The following PAWR variants were observed in gnomAD, a reference collection of about 807,000 sequenced individuals.
PAWR encodes the protein pro-apoptotic WT1 regulator.
In PAWR, 23 loss-of-function variants were observed where a neutral mutation model predicts 32.0. The observed-to-expected ratio is 0.72, with a 90% CI of 0.52 to 1.02. The LOEUF (loss-of-function observed/expected upper bound fraction) is 1.02, where lower values mean the gene tolerates loss of function less well. Among genes scored for constraint, PAWR ranks in the 50% least tolerant of loss-of-function variants. The pLI is 0.00. For missense variants in PAWR, 457 were observed against 437.7 expected, an observed-to-expected ratio of 1.04 and a Z score of -0.39; for synonymous variants, 226 against 187.1, an observed-to-expected ratio of 1.21 and a Z score of -1.70.
chr12:79,652,777 A>C (rs1876908993), intron 2 of PAWR, among the ~76,000 whole-genome samples: 2 of 152,206 alleles, frequency 1.3e-5, no homozygotes, highest in African/African-American at 4.8e-5. Context: ...TAAGCAAAGA[A>C]TTGGATTTAG....
chr12:79,647,289 A>C (rs1479991888), intron 2 of PAWR, among the ~76,000 whole-genome samples: 1 of 152,206 alleles, frequency 6.6e-6, no homozygotes, highest in Non-Finnish European at 1.5e-5. Flanking sequence ...TAAACTTTAA[A>C]GTTAAACTAT....
intron 2 of PAWR, among the ~76,000 whole-genome samples, chr12:79,681,938 T>C (rs1878466514): frequency 6.6e-6 from 1 of 152,212 alleles, no homozygotes; most frequent in Non-Finnish European, 1.5e-5. Context: ...CTACTAAAAA[T>C]ATTCTGGAAA....
chr12:79,620,392 G>C (rs538316838), intron 3 of PAWR, among the ~76,000 whole-genome samples: 1 of 152,244 alleles, frequency 6.6e-6, no homozygotes, highest in African/African-American at 2.4e-5. Flanking sequence ...TCATAAAGAA[G>C]AGCTGCTTGG....
chr12:79,600,069 C>A (rs1373064787), intron 4 of PAWR, among the ~76,000 whole-genome samples: 1 of 152,156 alleles, frequency 6.6e-6, no homozygotes, highest in Non-Finnish European at 1.5e-5. Context: ...CTCCAAACAA[C>A]CCACTTTGGT....
At chr12:79,625,551 G>A (rs1177975441) in intron 2 of PAWR, among the ~76,000 whole-genome samples, 3 of 152,202 alleles carry the variant, frequency 2.0e-5, no homozygotes, top group African/African-American at 7.2e-5. Flanking sequence ...GCCGGGCGTG[G>A]TGGCTCACGC....
intron 2 of PAWR, among the ~76,000 whole-genome samples, chr12:79,660,827 A>T (rs1465570608): frequency 5.9e-5 from 9 of 151,452 alleles, no homozygotes; most frequent in African/African-American, 2.2e-4. Context: ...GAGCTGATCC[A>T]CCTGCCTCAG....
Position 79,613,571 on chromosome 12 carries a change from T to C in PAWR, c.683+4A>G. On this transcript the variant is annotated splice_donor_region_variant and intron_variant, in intron 4 of 6. Transcript: ENST00000328827. The stretch of plus-strand genomic sequence containing the variant: ...CAATATGTTTAAGTCATAAGGATTC[T>C]TACCTTTTATATCTGCCTGAAACTG... 1 of 1,509,028 alleles carries C rather than the reference T, an allele frequency of 6.6e-7. No individual in the cohort carries two copies. The highest frequency in any genetic ancestry group is 1.4e-5 in the African/African-American group (1 of 73,020). 93.5% of individuals were successfully genotyped at this position (1,509,028 alleles called of 1,614,324 possible). A position where few individuals can be genotyped will look rare whatever the true frequency, so the allele number is the denominator to read the frequency against.
intron 2 of PAWR, chr12:79,668,202 T>C (rs1877705012): frequency 6.6e-6 from 1 of 152,254 alleles, no homozygotes; most frequent in African/African-American, 2.4e-5. Flanking sequence ...AGTAAAAGTT[T>C]GTAGATATTT....
chr12:79,626,162 T>TAAAA (rs1566007978), intron 2 of PAWR, among the ~76,000 whole-genome samples: 1 of 41,858 alleles, frequency 2.4e-5, no homozygotes, highest in African/African-American at 1.5e-4. Flanking sequence ...AGACTCCATC[T>TAAAA]TAAAAAAAAA....
intron 2 of PAWR, among the ~76,000 whole-genome samples, chr12:79,623,744 A>T (rs1875144241): frequency 6.6e-6 from 1 of 152,194 alleles, no homozygotes; most frequent in African/African-American, 2.4e-5. Context: ...ATCATGAAGA[A>T]ATTTATTTGG....
chr12:79,670,356 CA>C (rs1877832003), intron 2 of PAWR, among the ~76,000 whole-genome samples: 1 of 151,872 alleles, frequency 6.6e-6, no homozygotes. Flanking sequence ...CTTAAAAAAC[CA>C]AATTATCAAA....
At chr12:79,688,799 G>A (rs1299984063) in intron 2 of PAWR, among the ~76,000 whole-genome samples, 1 of 152,156 alleles carries the variant, frequency 6.6e-6, no homozygotes, top group African/African-American at 2.4e-5. Context: ...CAGTCAATGA[G>A]AAAAAGATGC....
intron 2 of PAWR, among the ~76,000 whole-genome samples, chr12:79,625,116 TCAGTGTAATTTTAGCAG>T (rs1875222008): frequency 1.3e-5 from 2 of 152,192 alleles, no homozygotes; most frequent in Admixed American, 6.5e-5. Context: ...AAAAAGTATC[TCAGTGTAATTTTAGCAG>T]CAGTTCCTAT....
chr12:79,604,341 T>C (rs1874083153), intron 4 of PAWR: 4 of 1,006,434 alleles, frequency 4.0e-6, no homozygotes, highest in South Asian at 4.2e-5. Flanking sequence ...ACTGGAAGTT[T>C]TCCCCCTCTG....
intron 2 of PAWR, among the ~76,000 whole-genome samples, chr12:79,687,113 A>G (rs897004367): frequency 1.2e-4 from 19 of 152,200 alleles, no homozygotes; most frequent in African/African-American, 4.6e-4. Context: ...TTTAGAAAAA[A>G]GGATATTTTT....
chr12:79,625,688 T>C (rs1400966718), intron 2 of PAWR, among the ~76,000 whole-genome samples: 1 of 151,404 alleles, frequency 6.6e-6, no homozygotes, highest in Non-Finnish European at 1.5e-5. Flanking sequence ...GCCGTGGTGG[T>C]GGGCACCTGT....
chr12:79,677,038 A>G (rs557150577), intron 2 of PAWR, among the ~76,000 whole-genome samples: 6 of 152,348 alleles, frequency 3.9e-5, no homozygotes, highest in African/African-American at 1.2e-4. Flanking sequence ...GTTAGATTAT[A>G]AAGTACTCAA....
At chr12:79,639,500 T>A (rs1876176614) in intron 2 of PAWR, among the ~76,000 whole-genome samples, 1 of 152,214 alleles carries the variant, frequency 6.6e-6, no homozygotes, top group Non-Finnish European at 1.5e-5. Context: ...GTTTAGTGTC[T>A]GTAAAGTTCA....
At position 79,621,511 on chromosome 12, in the gene PAWR, C is replaced by T. The variant is rs144126120; in HGVS notation, c.517-304G>A. On this transcript the variant is annotated intron_variant, in intron 2 of 6. Coordinates refer to ENST00000328827, the MANE Select transcript of PAWR (RefSeq NM_002583.4). The stretch of plus-strand genomic sequence containing the variant: ...TATCATTCATTCAATAAGTAAACTA[C>T]GTCTACCTTAAACAAGGCATTCTGC... 1.2e-4 allele frequency among the ~76,000 whole-genome samples: 18 copies of T among 151,946 alleles called. 1 individual carries two copies. The East Asian group carries it at 2.5e-3, about 21-fold the overall frequency.
Sources: gnomAD v4.1 joint callset for allele counts (sites outside exome capture counted in the v4.1 genomes callset) on GRCh38, gnomAD v4.1.1 for gene constraint, MANE v1.5 for transcripts, NCBI Gene and HGNC (gene_info 2026-07-23, HGNC 2026-07-21) for gene names.